Variants in TRAPPC9 observed in about 807,000 individuals in gnomAD.
TRAPPC9 encodes IKK2 binding protein.
In TRAPPC9, 83 loss-of-function variants were observed where a neutral mutation model predicts 124.0. The ratio of observed to expected loss-of-function variants is 0.67; its 90% CI spans 0.56 to 0.80. TRAPPC9 has a LOEUF of 0.80. Ranked by LOEUF, TRAPPC9 falls within the 30% of genes least tolerant of loss-of-function variation. The pLI, the probability that TRAPPC9 is intolerant of heterozygous loss-of-function variation, is 0.00. For missense variants in TRAPPC9, 1,302 were observed against 1,508.3 expected (o/e 0.86, Z 2.27); for synonymous variants, 638 against 617.5 (o/e 1.03, Z -0.49).
At chr8:140,343,261 G>A (rs1405755439) in intron 9 of TRAPPC9, among the ~76,000 whole-genome samples, 1 of 152,232 alleles carries the variant, frequency 6.6e-6, no homozygotes, top group African/African-American at 2.4e-5. Flanking sequence ...GTGCTGGGCT[G>A]CGGCCTCAAC....
intron 21 of TRAPPC9, among the ~76,000 whole-genome samples, chr8:139,882,628 T>C (rs1587086147): frequency 6.6e-6 from 1 of 152,074 alleles, no homozygotes; most frequent in African/African-American, 2.4e-5. Context: ...GCCCACGTCA[T>C]CTATGGGGAA....
rs2069526294 is a variant in TRAPPC9 at position 140,407,215 on chromosome 8, T to C, written c.887-1517A>G. 3.3e-5 allele frequency among the ~76,000 whole-genome samples: 5 copies of C among 152,208 alleles called. 1 individual carries two copies. Among genetic ancestry groups the C allele is most frequent in the Admixed American group, 3.3e-4 (5 of 15,278 alleles). ...CTAGTTCTCACAATTACAGAGCTGGTGACCCCAAGTAGGAGGCCATCTTGG... is the reference window on the plus strand; with the variant it reads ...CTAGTTCTCACAATTACAGAGCTGGCGACCCCAAGTAGGAGGCCATCTTGG... On this transcript the variant is annotated intron_variant, in intron 5 of 22. Transcript: ENST00000438773.
chr8:139,781,574 C>T lies in TRAPPC9; in HGVS notation c.3056-49372G>A, dbSNP rs1028611865. On this transcript the variant is annotated intron_variant, in intron 21 of 22. Transcript: ENST00000438773. ...ACATGTCATTAGACATTTATTCAAACGCATAGAATGTACAATGCCAAGAGT... is the reference window on the plus strand; with the variant it reads ...ACATGTCATTAGACATTTATTCAAATGCATAGAATGTACAATGCCAAGAGT... Among the ~76,000 whole-genome samples, 7 of 152,166 alleles carry T rather than the reference C, an allele frequency of 4.6e-5. No homozygotes were observed. In the East Asian group the frequency reaches 5.8e-4, roughly 13 times the overall value.
chr8:140,252,742 C>A lies in TRAPPC9; in HGVS notation c.2431+35G>T, dbSNP rs757280394. ...GGGGTTGCTACACAGTATCTAGGAC[C>A]CTGACGTGCTAATTAAAATTAGGAA... On this transcript the variant is annotated intron_variant, in intron 16 of 22. Coordinates refer to ENST00000438773, the MANE Select transcript of TRAPPC9 (RefSeq NM_001160372.4). The surrounding 1 kb of genome is among the most constrained non-coding windows in gnomAD (Gnocchi z 4.2). 2 of 1,609,714 alleles carry A rather than the reference C, an allele frequency of 1.2e-6. No individual in the cohort carries two copies. The highest frequency in any genetic ancestry group is 3.3e-5 in the Admixed American group (2 of 59,970).
At chr8:140,080,987 G>A (rs1330666700) in intron 17 of TRAPPC9, among the ~76,000 whole-genome samples, 1 of 152,268 alleles carries the variant, frequency 6.6e-6, no homozygotes, top group Non-Finnish European at 1.5e-5. Flanking sequence ...TGGTGTCCAC[G>A]GTACAAAGCC....
intron 21 of TRAPPC9, among the ~76,000 whole-genome samples, chr8:139,837,396 G>C (rs1826432339): frequency 2.0e-5 from 3 of 152,134 alleles, no homozygotes; most frequent in Admixed American, 6.5e-5. Context: ...AAAGGCCCCT[G>C]TCCTCCCATA....
chr8:140,200,634 T>C (rs988449032), intron 17 of TRAPPC9, among the ~76,000 whole-genome samples: 1 of 152,078 alleles, frequency 6.6e-6, no homozygotes, highest in Non-Finnish European at 1.5e-5. Context: ...CTACAAAATA[T>C]CTGACCGGCA....
intron 16 of TRAPPC9, among the ~76,000 whole-genome samples, chr8:140,227,531 T>C (rs185870425): frequency 6.6e-6 from 1 of 152,338 alleles, no homozygotes; most frequent in Admixed American, 6.5e-5. Flanking sequence ...GTGCTCAACT[T>C]TTCTATTAAG....
intron 19 of TRAPPC9, among the ~76,000 whole-genome samples, chr8:139,961,365 C>A (rs1835363001): frequency 8.1e-6 from 1 of 123,922 alleles, no homozygotes; most frequent in Non-Finnish European, 1.9e-5. Flanking sequence ...AGAGCCCCAC[C>A]CCTTCTGAAT....
chr8:140,083,278 G>A (rs923184695), intron 17 of TRAPPC9, among the ~76,000 whole-genome samples: 1 of 152,156 alleles, frequency 6.6e-6, no homozygotes, highest in Non-Finnish European at 1.5e-5. Context: ...CCTTTCCACG[G>A]AGATATCAAA....
intron 21 of TRAPPC9, among the ~76,000 whole-genome samples, chr8:139,773,908 T>C (rs1311012456): frequency 2.0e-5 from 3 of 152,220 alleles, no homozygotes; most frequent in Non-Finnish European, 4.4e-5. Flanking sequence ...ACGGCACGCA[T>C]GTTCAGTGGA....
At chr8:140,247,993 G>A (rs542890032) in intron 16 of TRAPPC9, among the ~76,000 whole-genome samples, 1 of 152,080 alleles carries the variant, frequency 6.6e-6, no homozygotes, top group African/African-American at 2.4e-5. Flanking sequence ...ATCAGCTTCT[G>A]AGCACGTTCT....
At chr8:140,026,214 G>A (rs1372063598) in intron 17 of TRAPPC9, among the ~76,000 whole-genome samples, 2 of 152,122 alleles carry the variant, frequency 1.3e-5, no homozygotes, top group Non-Finnish European at 2.9e-5. Flanking sequence ...TCCATTACAT[G>A]TATGTACTGT....
chr8:140,338,307 C>A (rs1330898887), intron 9 of TRAPPC9, among the ~76,000 whole-genome samples: 3 of 152,156 alleles, frequency 2.0e-5, no homozygotes, highest in African/African-American at 4.8e-5. Flanking sequence ...CTTCAGCTGA[C>A]ATTTCATATG....
intron 8 of TRAPPC9, among the ~76,000 whole-genome samples, chr8:140,367,632 G>C (rs556621492): frequency 2.0e-5 from 3 of 152,248 alleles, no homozygotes; most frequent in African/African-American, 7.2e-5. Context: ...AAACTTCTCT[G>C]TATGATATCA....
chr8:140,086,570 C>T (rs1425534023), intron 17 of TRAPPC9, among the ~76,000 whole-genome samples: 1 of 152,168 alleles, frequency 6.6e-6, no homozygotes, highest in African/African-American at 2.4e-5. Flanking sequence ...CCCGTCTCTT[C>T]CACTGTTCAA....
intron 17 of TRAPPC9, among the ~76,000 whole-genome samples, chr8:140,055,820 G>A (rs1056531858): frequency 2.0e-5 from 3 of 152,024 alleles, no homozygotes; most frequent in Non-Finnish European, 2.9e-5. Flanking sequence ...CTTGTACATT[G>A]AAAACTACAA....
chr8:139,756,529 G>T (rs1819804746), intron 21 of TRAPPC9, among the ~76,000 whole-genome samples: 3 of 143,134 alleles, frequency 2.1e-5, no homozygotes, highest in Admixed American at 1.4e-4. Flanking sequence ...AGGACAGCAG[G>T]TCGCAGGAGG....
intron 1 of TRAPPC9, among the ~76,000 whole-genome samples, chr8:140,455,800 A>G (rs2071639576): frequency 1.3e-5 from 2 of 152,174 alleles, no homozygotes; most frequent in South Asian, 4.1e-4. Flanking sequence ...TGATACACAA[A>G]ATGTTAAATC....
Sources: allele counts gnomAD v4.1 joint callset (sites outside exome capture counted in the v4.1 genomes callset), GRCh38; gene constraint gnomAD v4.1.1; non-coding constraint Gnocchi (gnomAD v3.1); transcripts MANE v1.5; gene names NCBI Gene and HGNC (gene_info 2026-07-23, HGNC 2026-07-21).